OR56A3: variants seen among roughly 807,000 people sequenced by gnomAD.
OR56A3 encodes olfactory receptor family 56 subfamily A member 3.
In OR56A3, 23 loss-of-function variants were observed where a neutral mutation model predicts 17.5. The observed-to-expected ratio is 1.32, with a 90% CI of 0.95 to 1.87. The LOEUF (loss-of-function observed/expected upper bound fraction) is 1.87, where lower values mean the gene tolerates loss of function less well. Ranked by LOEUF, OR56A3 falls within the 40% of genes most tolerant of loss-of-function variation. The pLI is 0.00. For synonymous variants in OR56A3, 175 were observed against 150.6 expected (o/e 1.16, Z -1.19); for missense variants, 366 against 380.1 (o/e 0.96, Z 0.31).
downstream of OR56A3, among the ~76,000 whole-genome samples, chr11:5,954,360 G>A (rs1847922621): frequency 6.6e-6 from 1 of 152,092 alleles, no homozygotes; most frequent in Non-Finnish European, 1.5e-5. Flanking sequence ...TCCAGGGCTA[G>A]GAACACAGAT....
the OR56A3 span, chr11:6,002,718 A>G: frequency 6.2e-7 from 1 of 1,614,222 alleles, no homozygotes; most frequent in Non-Finnish European, 8.5e-7. Flanking sequence ...GATCGACCTG[A>G]GGTCAAACCA....
chr11:5,946,994 G>T (rs1167145225), intron 2 of OR56A3, among the ~76,000 whole-genome samples: 1 of 152,162 alleles, frequency 6.6e-6, no homozygotes, highest in Non-Finnish European at 1.5e-5. Context: ...CCTATGGGTA[G>T]AAATTTAGAG....
At chr11:6,013,669 A>T in the OR56A3 span, among the ~76,000 whole-genome samples, 1 of 152,178 alleles carries the variant, frequency 6.6e-6, no homozygotes, top group African/African-American at 2.4e-5. Flanking sequence ...AGAGAGCCTA[A>T]TAATGAAACA....
At chr11:6,015,015 A>AAAAAAAAAAAAAAAAAAAC in the OR56A3 span, among the ~76,000 whole-genome samples, 1 of 148,372 alleles carries the variant, frequency 6.7e-6, no homozygotes, top group Non-Finnish European at 1.5e-5. Context: ...AAAAAAAAAA[A>AAAAAAAAAAAAAAAAAAAC]TGACCTGAAA....
the OR56A3 span, among the ~76,000 whole-genome samples, chr11:5,992,717 G>A: frequency 6.6e-6 from 1 of 152,226 alleles, no homozygotes; most frequent in South Asian, 2.1e-4. Flanking sequence ...GATGGGCTGA[G>A]GCCTTCTCTA....
At chr11:5,975,530 C>T in the OR56A3 span, among the ~76,000 whole-genome samples, 157 of 152,116 alleles carry the variant, frequency 1.0e-3, no homozygotes, top group African/African-American at 3.6e-3. Context: ...CTACAAAGGA[C>T]ATGAACTCAT....
At chr11:6,002,499 A>C in the OR56A3 span, 11 of 1,614,256 alleles carry the variant, frequency 6.8e-6, no homozygotes, top group Non-Finnish European at 8.5e-6. Context: ...CCTGGCAGAA[A>C]GCATGGGAAC....
the OR56A3 span, among the ~76,000 whole-genome samples, chr11:5,972,785 C>A: frequency 1.3e-5 from 2 of 152,150 alleles, no homozygotes; most frequent in Admixed American, 6.5e-5. Flanking sequence ...CCTGCCACCA[C>A]GCCCAGCTAA....
chr11:5,968,137 T>C, the OR56A3 span: 1 of 1,614,210 alleles, frequency 6.2e-7, no homozygotes, highest in African/African-American at 1.3e-5. Flanking sequence ...TAGGCCATGA[T>C]CATGAATGTG....
At chr11:5,992,807 G>A in the OR56A3 span, among the ~76,000 whole-genome samples, 5 of 152,264 alleles carry the variant, frequency 3.3e-5, no homozygotes, top group Admixed American at 6.5e-5. Context: ...TGAAATAACA[G>A]AGCTTCTCCA....
At chr11:5,946,018 A>T (rs923183223) in intron 2 of OR56A3, among the ~76,000 whole-genome samples, 15 of 152,208 alleles carry the variant, frequency 9.9e-5, no homozygotes, top group African/African-American at 4.8e-5. Flanking sequence ...CAGTAGACAG[A>T]AATATGCACA....
chr11:5,982,154 A>C, the OR56A3 span, among the ~76,000 whole-genome samples: 1 of 152,198 alleles, frequency 6.6e-6, no homozygotes, highest in Non-Finnish European at 1.5e-5. Flanking sequence ...AGGCAGTGTC[A>C]GGGCAGCACA....
At chr11:5,981,855 C>T in the OR56A3 span, among the ~76,000 whole-genome samples, 1 of 152,054 alleles carries the variant, frequency 6.6e-6, no homozygotes, top group Non-Finnish European at 1.5e-5. Context: ...TCTTTGGCGC[C>T]CTTAAGGGTT....
chr11:5,960,520 C>A, the OR56A3 span, among the ~76,000 whole-genome samples: 1 of 152,218 alleles, frequency 6.6e-6, no homozygotes, highest in Non-Finnish European at 1.5e-5. Context: ...CTCGGCCTCC[C>A]GAGGTGCCGG....
At chr11:6,002,497 A>C in the OR56A3 span, 1 of 1,614,234 alleles carries the variant, frequency 6.2e-7, no homozygotes, top group South Asian at 1.1e-5. Context: ...AGCCTGGCAG[A>C]AAGCATGGGA....
At chr11:6,014,989 CAAAAAA>C in the OR56A3 span, among the ~76,000 whole-genome samples, 25 of 35,204 alleles carry the variant, frequency 7.1e-4, no homozygotes, top group African/African-American at 1.6e-3. Flanking sequence ...TATTCATGGG[CAAAAAA>C]AAAAAAAAAA....
the OR56A3 span, among the ~76,000 whole-genome samples, chr11:5,971,710 T>C: frequency 6.6e-6 from 1 of 152,214 alleles, no homozygotes; most frequent in African/African-American, 2.4e-5. Flanking sequence ...AACACTGCAC[T>C]AACAGAAGTA....
chr11:5,977,470 T>C, the OR56A3 span, among the ~76,000 whole-genome samples: 17 of 152,226 alleles, frequency 1.1e-4, no homozygotes, highest in Admixed American at 7.9e-4. Flanking sequence ...TTAGTGATGT[T>C]GAGTATTTTT....
At chr11:5,967,417 TA>T in the OR56A3 span, 1 of 649,826 alleles carries the variant, frequency 1.5e-6, no homozygotes, top group Non-Finnish European at 2.6e-6. Flanking sequence ...GATATCCCTA[TA>T]ATCAATTGAA....
Sources: gnomAD v4.1 joint callset for allele counts (sites outside exome capture counted in the v4.1 genomes callset) on GRCh38, gnomAD v4.1.1 for gene constraint, MANE v1.5 for transcripts, NCBI Gene and HGNC (gene_info 2026-07-23, HGNC 2026-07-21) for gene names.